Variants in HSD17B6 observed in about 807,000 individuals in gnomAD.
The protein encoded by HSD17B6 is hydroxysteroid 17-beta dehydrogenase 6, also known as 17-beta-hydroxysteroid dehydrogenase type 6.
HSD17B6 carries 16 observed loss-of-function variants against 26.4 expected under a neutral mutation model. The ratio of observed to expected loss-of-function variants is 0.61; its 90% CI spans 0.41 to 0.92. The LOEUF (loss-of-function observed/expected upper bound fraction) is 0.92, where lower values mean the gene tolerates loss of function less well. Ranked by LOEUF, HSD17B6 falls within the 40% of genes least tolerant of loss-of-function variation. The pLI is 0.00. For missense variants in HSD17B6, 357 were observed against 386.1 expected, an observed-to-expected ratio of 0.92 and a Z score of 0.63; for synonymous variants, 139 against 153.0, an observed-to-expected ratio of 0.91 and a Z score of 0.68.
In HSD17B6 at chr12:56,781,978, C is replaced by T. The variant is rs1264559384; in HGVS notation, c.318C>T (p.Leu106=). ...TATGACTTTTAATTGTTTTAGGACTCTGGGGACTGGTGAACAATGCAGGCA... is the reference window on the plus strand; with the variant it reads ...TATGACTTTTAATTGTTTTAGGACTTTGGGGACTGGTGAACAATGCAGGCA... The part of the protein sequence containing the change: ...WVKEHVGDRG[L]WGLVNNAGIL... The change falls in exon 3 of 5, where the codon CTC becomes CTT. Residue 106 remains leucine, a synonymous_variant. Coordinates refer to ENST00000322165, the MANE Select transcript of HSD17B6 (RefSeq NM_003725.4). 1.2e-6 allele frequency: 2 copies of T among 1,613,688 alleles called. No individual in the cohort carries two copies. The highest frequency in any genetic ancestry group is 3.3e-5 in the Admixed American group (2 of 60,000).
intron 4 of HSD17B6, 150 bp from the exon 5 acceptor site, chr12:56,786,975 C>G (rs1044074698): frequency 1.3e-5 from 8 of 594,690 alleles, no homozygotes; most frequent in Admixed American, 3.2e-5. Context: ...TGCTCAATAG[C>G]TACATGTGGC....
intron 2 of HSD17B6, 141 bp from the exon 3 acceptor site, chr12:56,781,833 G>A: frequency 1.2e-6 from 1 of 855,360 alleles, no homozygotes. Flanking sequence ...AAACTTGTAT[G>A]TTATATCATT....
intron 1 of HSD17B6, among the ~76,000 whole-genome samples, chr12:56,767,358 A>T (rs1954352485): frequency 1.3e-5 from 2 of 151,378 alleles, no homozygotes; most frequent in South Asian, 2.1e-4. Flanking sequence ...TAAAAAATAA[A>T]AAAAAAAAAT....
intron 3 of HSD17B6, among the ~76,000 whole-genome samples, chr12:56,783,581 C>T (rs1477967089): frequency 3.0e-5 from 4 of 133,988 alleles, no homozygotes; most frequent in Non-Finnish European, 4.9e-5. Flanking sequence ...GACGGCTGGC[C>T]GGGCGGGGGC....
intron 2 of HSD17B6, among the ~76,000 whole-genome samples, chr12:56,778,107 A>C (rs181487714): frequency 5.3e-5 from 8 of 152,296 alleles, no homozygotes. Flanking sequence ...ATGCTGAATG[A>C]ATCCTCTATA....
At chr12:56,765,469 C>T (rs938598544) in intron 1 of HSD17B6, among the ~76,000 whole-genome samples, 5 of 151,922 alleles carry the variant, frequency 3.3e-5, no homozygotes, top group Admixed American at 3.3e-4. Context: ...AACACACACA[C>T]AAAAAACCAA....
At chr12:56,779,825 T>G (rs1378850127) in intron 2 of HSD17B6, among the ~76,000 whole-genome samples, 1 of 151,218 alleles carries the variant, frequency 6.6e-6, no homozygotes, top group African/African-American at 2.4e-5. Context: ...TTGCTCATTA[T>G]TCCTTCTTGA....
At chr12:56,784,404 C>G (rs923745610) in intron 3 of HSD17B6, among the ~76,000 whole-genome samples, 2 of 152,158 alleles carry the variant, frequency 1.3e-5, no homozygotes, top group Non-Finnish European at 2.9e-5. Context: ...ACTGAGTGAA[C>G]GAGACTCCGT....
At chr12:56,775,374 T>C (rs7295862) in intron 2 of HSD17B6, among the ~76,000 whole-genome samples, 59,959 of 152,022 alleles carry the variant, frequency 0.39, 12,387 homozygotes, top group African/African-American at 0.51. Context: ...GTTGCCACCA[T>C]GCCTGGCTAA....
intron 2 of HSD17B6, among the ~76,000 whole-genome samples, chr12:56,780,972 T>C (rs889902763): frequency 2.0e-5 from 3 of 152,140 alleles, no homozygotes; most frequent in African/African-American, 7.2e-5. Flanking sequence ...TAAATGACCC[T>C]GTCTCCTTTG....
At chr12:56,769,760 TG>T (rs1954429831) in intron 1 of HSD17B6, among the ~76,000 whole-genome samples, 1 of 152,174 alleles carries the variant, frequency 6.6e-6, no homozygotes, top group Non-Finnish European at 1.5e-5. Context: ...TGCAGATGAA[TG>T]GTTTGTAAAA....
At chr12:56,768,291 TGA>T (rs1185467713) in intron 1 of HSD17B6, among the ~76,000 whole-genome samples, 2 of 151,968 alleles carry the variant, frequency 1.3e-5, no homozygotes, top group African/African-American at 4.8e-5. Context: ...TGGTGAGCTG[TGA>T]GAGAGTTTCC....
chr12:56,774,066 C>T lies in HSD17B6; in HGVS notation c.214C>T (p.Gln72Ter). The change falls in exon 2 of 5, where the codon CAG becomes TAG. Residue 72 changes from glutamine (Q) to a stop codon, truncating the protein, a stop_gained. Coordinates refer to ENST00000322165, the MANE Select transcript of HSD17B6 (RefSeq NM_003725.4). LOFTEE classifies it high-confidence loss of function. ...GAAGGGGGCCGAGCAGCTGAGGGGC[C>T]AGACGTCTGACAGGCTGGAGACGGT... ...TEKGAEQLRG[Q>*]TSDRLETVTL... The T allele has an allele frequency of 6.2e-7, 1 of 1,614,068 alleles. No homozygotes were observed. Among genetic ancestry groups the T allele is most frequent in the East Asian group, 2.2e-5 (1 of 44,884 alleles).
intron 2 of HSD17B6, among the ~76,000 whole-genome samples, chr12:56,781,569 T>C (rs1214869957): frequency 2.0e-5 from 3 of 152,190 alleles, no homozygotes; most frequent in Non-Finnish European, 4.4e-5. Context: ...TTTGGGAGGC[T>C]GAGGCGGGTG....
chr12:56,779,446 T>C (rs1038861288), intron 2 of HSD17B6, among the ~76,000 whole-genome samples: 4 of 152,216 alleles, frequency 2.6e-5, no homozygotes, highest in Non-Finnish European at 5.9e-5. Flanking sequence ...CCTTAATTAT[T>C]ATGTTTGGAT....
intron 1 of HSD17B6, among the ~76,000 whole-genome samples, chr12:56,771,996 A>G (rs949329888): frequency 2.0e-5 from 3 of 151,642 alleles, no homozygotes; most frequent in African/African-American, 7.3e-5. Context: ...TTCCCCTTCT[A>G]CCATGATTGT....
chr12:56,776,377 C>A (rs191872656), intron 2 of HSD17B6, among the ~76,000 whole-genome samples: 2 of 146,938 alleles, frequency 1.4e-5, no homozygotes, highest in East Asian at 4.0e-4. Flanking sequence ...TGATCATGGC[C>A]CACTGCAGCC....
At chr12:56,781,110 C>T (rs1954707349) in intron 2 of HSD17B6, among the ~76,000 whole-genome samples, 2 of 152,162 alleles carry the variant, frequency 1.3e-5, no homozygotes, top group Admixed American at 1.3e-4. Context: ...AAAAAGCAAA[C>T]ATTTCAAACA....
rs749388244 is a variant in HSD17B6, at chr12:56,773,957, G to A, written c.105G>A (p.Thr35=). 32 of 1,614,102 alleles carry A rather than the reference G, an allele frequency of 2.0e-5. No individual in the cohort carries two copies. The highest frequency in any genetic ancestry group is 1.6e-4 in the Middle Eastern group (1 of 6,062). ...SHLQDKYVFI[T]GCDSGFGNLL... ...TCCAAGACAAGTATGTCTTTATCAC[G>A]GGCTGTGACTCGGGCTTTGGGAACC... Residue 35 remains threonine, a synonymous_variant, in exon 2 of 5, where the codon ACG becomes ACA. Coordinates refer to ENST00000322165, the MANE Select transcript of HSD17B6 (RefSeq NM_003725.4).
Sources: allele counts gnomAD v4.1 joint callset (sites outside exome capture counted in the v4.1 genomes callset), GRCh38; gene constraint gnomAD v4.1.1; transcripts MANE v1.5; gene names NCBI Gene and HGNC (gene_info 2026-07-23, HGNC 2026-07-21).